Variants in CFAP61 observed in about 807,000 individuals in gnomAD.
CFAP61 encodes the protein cilia- and flagella-associated protein 61.
A neutral mutation model predicts 135.6 loss-of-function variants in CFAP61; 107 were observed. That is an observed-to-expected ratio of 0.79 (90% CI 0.67 to 0.93). The LOEUF (loss-of-function observed/expected upper bound fraction) is 0.93, where lower values mean the gene tolerates loss of function less well. Ranked by LOEUF, CFAP61 falls within the 40% of genes least tolerant of loss-of-function variation. The probability of loss-of-function intolerance (pLI) is 0.00; values close to 1 mark genes in which losing one functional copy is unlikely to be tolerated. For missense variants in CFAP61, 1,507 were observed against 1,556.2 expected (o/e 0.97, Z 0.53); for synonymous variants, 575 against 578.5 (o/e 0.99, Z 0.09).
Position 20,077,222 on chromosome 20 carries a change from G to T in CFAP61, c.566+1607G>T, listed in dbSNP as rs1022244004. On this transcript the variant is annotated intron_variant, in intron 6 of 26. Transcript: ENST00000245957. ...ATAAACTGTGGTACATCCATACAGT[G>T]GATGCTACTCAGCAATTCAGTGGAA... Among the ~76,000 whole-genome samples, 4 of 152,258 alleles carry T rather than the reference G, an allele frequency of 2.6e-5. No homozygotes were observed. In the East Asian group the frequency reaches 5.8e-4, roughly 22 times the overall value.
chr20:20,234,413 T>C lies in CFAP61; in HGVS notation c.2060+6037T>C, dbSNP rs559836487. Reference sequence around the variant, plus strand: ...TGTTAATATTCTTGAAGTTGCCTTTTACTGAAACTTTGGCATAGACGATGA... The same window carrying C: ...TGTTAATATTCTTGAAGTTGCCTTTCACTGAAACTTTGGCATAGACGATGA... On this transcript the variant is annotated intron_variant, in intron 18 of 26. Coordinates refer to ENST00000245957, the MANE Select transcript of CFAP61 (RefSeq NM_015585.4). Among the ~76,000 whole-genome samples the C allele has an allele frequency of 3.3e-5, 5 of 152,314 alleles. No individual in the cohort carries two copies. In the South Asian group the frequency reaches 1.0e-3, roughly 32 times the overall value.
intron 25 of CFAP61, among the ~76,000 whole-genome samples, chr20:20,328,066 C>A (rs2057834195): frequency 6.6e-6 from 1 of 152,174 alleles, no homozygotes; most frequent in African/African-American, 2.4e-5. Context: ...TTCAGTGCTG[C>A]TTCGCTTTGA....
intron 21 of CFAP61, 130 bp from the exon 22 acceptor site, chr20:20,277,036 G>A: frequency 3.0e-6 from 2 of 665,834 alleles, no homozygotes; most frequent in Non-Finnish European, 5.0e-6. Context: ...GCCGTTGCTA[G>A]GTAACACCGC....
intron 11 of CFAP61, among the ~76,000 whole-genome samples, chr20:20,166,125 C>T (rs138942405): frequency 3.9e-5 from 6 of 152,170 alleles, no homozygotes; most frequent in East Asian, 1.9e-4. Context: ...AGGGAAGGAT[C>T]GGAGGCACAG....
intron 2 of CFAP61, among the ~76,000 whole-genome samples, chr20:20,070,483 C>CA (rs1283914253): frequency 6.6e-6 from 1 of 152,152 alleles, no homozygotes; most frequent in African/African-American, 2.4e-5. Context: ...CAAAGAGAGA[C>CA]ACTTGGCCAC....
At chr20:20,334,877 G>T (rs2058122917) in intron 25 of CFAP61, among the ~76,000 whole-genome samples, 1 of 152,114 alleles carries the variant, frequency 6.6e-6, no homozygotes, top group Admixed American at 6.5e-5. Context: ...ATTTTTTGTT[G>T]CAGGGCATCA....
chr20:20,052,533 G>C lies in CFAP61; in HGVS notation c.-95G>C, dbSNP rs750771442. 4.3e-6 allele frequency: 7 copies of C among 1,614,140 alleles called. No homozygotes were observed. The African/African-American group carries it at 5.3e-5, about 12-fold the overall frequency. On this transcript the variant is annotated 5_prime_UTR_variant, in exon 1 of 27. Transcript: ENST00000245957. ...GGCGGCACCGTTTCCATGGTGACCAGGCTGCGCGTCCTCCTTGCGGCAGCG... is the reference window on the plus strand; with the variant it reads ...GGCGGCACCGTTTCCATGGTGACCACGCTGCGCGTCCTCCTTGCGGCAGCG...
rs1261311899 is a variant in CFAP61, at chr20:20,056,787, T to C, written c.134T>C (p.Ile45Thr). ...TCKLFGKLNI[I>T]YLLEKANLAV... is the part of the protein sequence containing the mutation. ...AAGCTGTTTGGGAAGCTAAATATCA[T>C]CTATCTTCTGTAAGTAGATAACTAA... The change falls in exon 2 of 27, where the codon ATC (isoleucine) becomes ACC (threonine). Residue 45 changes from isoleucine to threonine, a missense_variant. Physicochemically the swap from Ile to Thr is moderately conservative, Grantham distance 89. Coordinates refer to ENST00000245957, the MANE Select transcript of CFAP61 (RefSeq NM_015585.4). 1.4e-5 allele frequency: 23 copies of C among 1,614,088 alleles called. No individual in the cohort carries two copies. Among genetic ancestry groups the C allele is most frequent in the Non-Finnish European group, 1.9e-5 (22 of 1,179,970 alleles).
chr20:20,142,343 C>T (rs542526420), intron 8 of CFAP61, among the ~76,000 whole-genome samples: 1 of 152,148 alleles, frequency 6.6e-6, no homozygotes, highest in Non-Finnish European at 1.5e-5. Flanking sequence ...ACAGTATTTC[C>T]ACACAAAGAG....
At chr20:20,268,434 T>A (rs2052982839) in intron 21 of CFAP61, among the ~76,000 whole-genome samples, 1 of 152,208 alleles carries the variant, frequency 6.6e-6, no homozygotes, top group African/African-American at 2.4e-5. Context: ...TTCTACCCAT[T>A]GCAGACGCAC....
At chr20:20,103,238 C>T in intron 8 of CFAP61, among the ~76,000 whole-genome samples, 1 of 152,098 alleles carries the variant, frequency 6.6e-6, no homozygotes, top group Non-Finnish European at 1.5e-5. Context: ...AAAAAAGTTT[C>T]CCTGAATCTA....
chr20:20,160,471 C>G (rs2053300506), intron 10 of CFAP61, among the ~76,000 whole-genome samples: 1 of 152,176 alleles, frequency 6.6e-6, no homozygotes, highest in Admixed American at 6.5e-5. Context: ...TCATGGCTAA[C>G]ACTGAACCAG....
rs573758430 is a variant in CFAP61, at chr20:20,088,054, G to C, written c.567-2790G>C. Among the ~76,000 whole-genome samples, 5 of 152,266 alleles carry C rather than the reference G, an allele frequency of 3.3e-5. No homozygotes were observed. In the East Asian group the frequency reaches 9.6e-4, roughly 29 times the overall value. On this transcript the variant is annotated intron_variant, in intron 6 of 26. Coordinates refer to ENST00000245957, the MANE Select transcript of CFAP61 (RefSeq NM_015585.4). Reference sequence around the variant, plus strand: ...GGCTGAAATAGCTTGAAAAATGACTGCAGCATCAGTAGTACAGTCATACCC... The same window carrying C: ...GGCTGAAATAGCTTGAAAAATGACTCCAGCATCAGTAGTACAGTCATACCC...
chr20:20,326,781 T>C (rs1271895972), intron 25 of CFAP61, among the ~76,000 whole-genome samples: 2 of 152,228 alleles, frequency 1.3e-5, no homozygotes, highest in African/African-American at 2.4e-5. Context: ...ATATCTTTAA[T>C]GTGTAGTCTT....
intron 17 of CFAP61, chr20:20,214,327 C>T (rs2047885748): frequency 6.6e-6 from 1 of 152,132 alleles, no homozygotes; most frequent in African/African-American, 2.4e-5. Flanking sequence ...CTTTGTGTAA[C>T]AGAGCTTTGT....
chr20:20,158,352 A>G lies in CFAP61; in HGVS notation c.952-1018A>G, dbSNP rs868789563. Among the ~76,000 whole-genome samples the G allele has an allele frequency of 8.1e-3, 684 of 84,194 alleles. 7 individuals are homozygous for G. The highest frequency in any genetic ancestry group is 0.027 in the African/African-American group (648 of 24,438). 55.2% of individuals were successfully genotyped at this position (84,194 alleles called of 152,430 possible). ...AAATTACACCAAGTGGACCTTTGAA[A>G]AAAAAAAAAAAAAAAAGATTTGAAC... On this transcript the variant is annotated intron_variant, in intron 9 of 26. Coordinates refer to ENST00000245957, the MANE Select transcript of CFAP61 (RefSeq NM_015585.4).
Position 20,074,347 on chromosome 20 carries a change from T to A in CFAP61, c.340T>A (p.Tyr114Asn). The part of the protein sequence containing the change: ...FMHLFVAVDE[Y>N]SVGCCKEILR... ...GCACCTCTTTGTGGCCGTGGATGAG[T>A]ATTCTGTTGGCTGTTGCAAAGAGAT... The change falls in exon 4 of 27, where the codon TAT becomes AAT. Residue 114 changes from tyrosine (Y) to asparagine (N), a missense_variant. By Grantham distance (143) the Tyr-to-Asn change is moderately radical (BLOSUM62 -2). Transcript: ENST00000245957. The A allele has an allele frequency of 6.2e-7, 1 of 1,614,164 alleles. No individual in the cohort carries two copies. Among genetic ancestry groups the A allele is most frequent in the Non-Finnish European group, 8.5e-7 (1 of 1,179,996 alleles).
Position 20,179,084 on chromosome 20 carries a change from A to C in CFAP61, c.1386-8846A>C, listed in dbSNP as rs1264330975. 4.6e-5 allele frequency among the ~76,000 whole-genome samples: 7 copies of C among 152,194 alleles called. 1 individual carries two copies. The highest frequency in any genetic ancestry group is 4.6e-4 in the Admixed American group (7 of 15,278). The stretch of plus-strand genomic sequence containing the variant: ...ATCCAGATAGGAAGAGAGGAAGTCA[A>C]ACTATTCCTGTTTGCAGATGACATG... On this transcript the variant is annotated intron_variant, in intron 13 of 26. Transcript: ENST00000245957.
rs201262465 is a variant in CFAP61, at chr20:20,085,270, C to T, written c.567-5574C>T. Reference sequence around the variant, plus strand: ...ACAGTCACGTTGAAACATTTGACTGCATGAGTTGTTTTCCATAGCTGGGGT... The same window carrying T: ...ACAGTCACGTTGAAACATTTGACTGTATGAGTTGTTTTCCATAGCTGGGGT... On this transcript the variant is annotated intron_variant, in intron 6 of 26. Coordinates refer to ENST00000245957, the MANE Select transcript of CFAP61 (RefSeq NM_015585.4). 5.1e-6 allele frequency: 5 copies of T among 985,330 alleles called. No homozygotes were observed. In the East Asian group the frequency reaches 4.5e-4, roughly 89 times the overall value. The allele number at this position is 985,330 out of a possible 1,614,324, so 61.0% of individuals were successfully genotyped here. A position where few individuals can be genotyped will look rare whatever the true frequency, so the allele number is the denominator to read the frequency against.
Sources: allele counts gnomAD v4.1 joint callset (sites outside exome capture counted in the v4.1 genomes callset), GRCh38; gene constraint gnomAD v4.1.1; transcripts MANE v1.5; gene names NCBI Gene and HGNC (gene_info 2026-07-23, HGNC 2026-07-21).